Variants in JRKL observed in about 807,000 individuals in gnomAD.
The protein encoded by JRKL is jerky protein homolog-like.
JRKL carries 25 observed loss-of-function variants against 34.7 expected under a neutral mutation model. That is an observed-to-expected ratio of 0.72 (90% CI 0.53 to 1.01). JRKL has a LOEUF of 1.01. Ranked by LOEUF, JRKL falls within the 50% of genes least tolerant of loss-of-function variation. The probability of loss-of-function intolerance (pLI) is 0.00; values close to 1 mark genes in which losing one functional copy is unlikely to be tolerated. For missense variants in JRKL, 495 were observed against 615.7 expected, an observed-to-expected ratio of 0.80 and a Z score of 2.07; for synonymous variants, 204 against 212.8, an observed-to-expected ratio of 0.96 and a Z score of 0.36.
chr11:96,392,147 C>T lies in JRKL; in HGVS notation c.1498C>T (p.Leu500=). The T allele has an allele frequency of 6.2e-7, 1 of 1,613,520 alleles. No individual in the cohort carries two copies. Among genetic ancestry groups the T allele is most frequent in the African/African-American group, 1.3e-5 (1 of 75,032 alleles). Residue 500 remains leucine (L), a synonymous_variant, in exon 2 of 2, where the codon CTA becomes TTA. Transcript: ENST00000332349. ...TCTAGAACAACAAGGTGATATGATT[C>T]TACCTGATAGACTGGTAATACGTAA... The part of the protein sequence containing the change: ...DYLEQQGDMI[L]PDRLVIRKLR...
At position 96,392,611 on chromosome 11, in the gene JRKL, T is replaced by A. The variant is rs1179255557; in HGVS notation, c.*387T>A. ...GCTGCCATAGTTATCTTTTCTTGTG[T>A]TAACCATCTTAAATGATGTTTTGTA... is the stretch of plus-strand genomic sequence containing the variant. On this transcript the variant is annotated 3_prime_UTR_variant, in exon 2 of 2. Transcript: ENST00000332349. 2 of 172,788 alleles carry A rather than the reference T, an allele frequency of 1.2e-5. No homozygotes were observed. Among genetic ancestry groups the A allele is most frequent in the Non-Finnish European group, 1.4e-5 (1 of 71,892 alleles). 10.7% of individuals were successfully genotyped at this position (172,788 alleles called of 1,614,324 possible).
rs1432725731 is a variant in JRKL at position 96,393,005 on chromosome 11, T to C, written c.*781T>C. On this transcript the variant is annotated 3_prime_UTR_variant, in exon 2 of 2. Transcript: ENST00000332349. ...GATCTTTTTATTATGAATTTGGTAA[T>C]AGTATAGGTTTATTATTTATTCATC... The C allele has an allele frequency of 6.0e-6, 1 of 166,424 alleles. No individual in the cohort carries two copies. The highest frequency in any genetic ancestry group is 1.5e-5 in the Non-Finnish European group (1 of 68,042). The allele number at this position is 166,424 out of a possible 1,614,324, so 10.3% of individuals were successfully genotyped here. A position where few individuals can be genotyped will look rare whatever the true frequency, so the allele number is the denominator to read the frequency against.
In JRKL at chr11:96,390,043, G is replaced by A. The variant is rs1224965954; in HGVS notation, c.-198G>A. ...CGGAGCGACTGCCGCGCGATAGTCA[G>A]GGAGCTGTGCGGGTCCTGGTTGCAA... On this transcript the variant is annotated 5_prime_UTR_variant, in exon 1 of 2. Transcript: ENST00000332349. The A allele has an allele frequency of 1.3e-5, 2 of 152,594 alleles. No homozygotes were observed. Among genetic ancestry groups the A allele is most frequent in the Non-Finnish European group, 2.9e-5 (2 of 68,420 alleles). The allele number at this position is 152,594 out of a possible 1,614,324, so 9.5% of individuals were successfully genotyped here. A position where few individuals can be genotyped will look rare whatever the true frequency, so the allele number is the denominator to read the frequency against.
rs1866535466 is a variant in JRKL, at chr11:96,391,478, T to C, written c.829T>C (p.Tyr277His). The C allele has an allele frequency of 6.4e-7, 1 of 1,551,636 alleles. No individual in the cohort carries two copies. The change falls in exon 2 of 2, where the codon TAT becomes CAT. Residue 277 changes from tyrosine to histidine, a missense_variant. By Grantham distance (83) the Tyr-to-His change is moderately conservative. Coordinates refer to ENST00000332349, the MANE Select transcript of JRKL (RefSeq NM_001261833.2). ...AATTTTTGTGCCGCAAGTTCGAGAG[T>C]ATTTAAGATCTAAAGGCTTGCAGGA... is the stretch of plus-strand genomic sequence containing the variant. ...DKIFVPQVRE[Y>H]LRSKGLQEKA...
rs1565332189 is a variant in JRKL, at chr11:96,390,491, C to G, written c.-159C>G. The G allele has an allele frequency of 1.2e-6, 1 of 805,042 alleles. No individual in the cohort carries two copies. Among genetic ancestry groups the G allele is most frequent in the East Asian group, 2.8e-5 (1 of 35,214 alleles). 49.9% of individuals were successfully genotyped at this position (805,042 alleles called of 1,614,324 possible). On this transcript the variant is annotated 5_prime_UTR_variant, in exon 2 of 2. Coordinates refer to ENST00000332349, the MANE Select transcript of JRKL (RefSeq NM_001261833.2). ...TTCACCTTCTTCTGCAGTCTATTTGCCAGCCAACCCCAGCCCGGGAGGGGA... is the reference window on the plus strand; with the variant it reads ...TTCACCTTCTTCTGCAGTCTATTTGGCAGCCAACCCCAGCCCGGGAGGGGA...
At position 96,392,117 on chromosome 11, in the gene JRKL, G is replaced by T. The variant is rs370255954; in HGVS notation, c.1468G>T (p.Asp490Tyr). ...CCTCCAGTGGACTGAAAATTTATTG[G>T]ATTATCTAGAACAACAAGGTGATAT... ...AALQWTENLL[D>Y]YLEQQGDMIL... Residue 490 changes from aspartate (D) to tyrosine (Y), a missense_variant, in exon 2 of 2, where the codon GAT (aspartate) becomes TAT (tyrosine). Physicochemically the swap from Asp to Tyr is radical, Grantham distance 160. Coordinates refer to ENST00000332349, the MANE Select transcript of JRKL (RefSeq NM_001261833.2). 5 of 1,613,968 alleles carry T rather than the reference G, an allele frequency of 3.1e-6. No individual in the cohort carries two copies. The African/African-American group carries it at 6.7e-5, about 22-fold the overall frequency.
chr11:96,391,116 G>A lies in JRKL; in HGVS notation c.467G>A (p.Cys156Tyr), dbSNP rs780451616. ...GATGAGACTGCGGTGGAAGATTTTTGTAATAACTTTCGAGATTTTATTGAA... is the reference window on the plus strand; with the variant it reads ...GATGAGACTGCGGTGGAAGATTTTTATAATAACTTTCGAGATTTTATTGAA... ...NGDETAVEDF[C>Y]NNFRDFIERE... Residue 156 changes from cysteine (C) to tyrosine (Y), a missense_variant, in exon 2 of 2, where the codon TGT becomes TAT. By Grantham distance (194) the Cys-to-Tyr change is radical (BLOSUM62 -2). Coordinates refer to ENST00000332349, the MANE Select transcript of JRKL (RefSeq NM_001261833.2). 1.9e-6 allele frequency: 3 copies of A among 1,613,468 alleles called. No individual in the cohort carries two copies. Among genetic ancestry groups the A allele is most frequent in the African/African-American group, 1.3e-5 (1 of 74,906 alleles).
intron 1 of JRKL, 146 bp downstream of exon 1, chr11:96,390,219 G>C (rs949299419): frequency 6.2e-6 from 1 of 160,414 alleles, no homozygotes; most frequent in Non-Finnish European, 1.4e-5. Context: ...AAGGGTGCCA[G>C]TCCTTGACTC....
rs1156894236 is a variant in JRKL at position 96,392,885 on chromosome 11, C to T, written c.*661C>T. On this transcript the variant is annotated 3_prime_UTR_variant, in exon 2 of 2. Transcript: ENST00000332349. ...CTGATCTATAAAGAGGCATTCTGATCAATTCATTTGTAGGAAACTGGGAAA... is the reference window on the plus strand; with the variant it reads ...CTGATCTATAAAGAGGCATTCTGATTAATTCATTTGTAGGAAACTGGGAAA... 1 of 166,810 alleles carries T rather than the reference C, an allele frequency of 6.0e-6. No homozygotes were observed. Among genetic ancestry groups the T allele is most frequent in the Admixed American group, 6.5e-5 (1 of 15,276 alleles). 10.3% of individuals were successfully genotyped at this position (166,810 alleles called of 1,614,324 possible).
chr11:96,392,329 A>G lies in JRKL; in HGVS notation c.*105A>G, dbSNP rs991544219. Reference sequence around the variant, plus strand: ...GAATTCTCAGACTTGGTCCTGTGAAATACAGGCACAAAATGTATCTGAAGT... The same window carrying G: ...GAATTCTCAGACTTGGTCCTGTGAAGTACAGGCACAAAATGTATCTGAAGT... On this transcript the variant is annotated 3_prime_UTR_variant, in exon 2 of 2. Transcript: ENST00000332349. The G allele has an allele frequency of 3.8e-5, 55 of 1,430,354 alleles. No individual in the cohort carries two copies. The highest frequency in any genetic ancestry group is 4.7e-5 in the South Asian group (3 of 64,352). The allele number at this position is 1,430,354 out of a possible 1,614,324, so 88.6% of individuals were successfully genotyped here. A position where few individuals can be genotyped will look rare whatever the true frequency, so the allele number is the denominator to read the frequency against.
Position 96,393,509 on chromosome 11 carries a change from T to G in JRKL, c.*1285T>G, listed in dbSNP as rs1866575430. Reference sequence around the variant, plus strand: ...TAAAAGTAAAGTGTTTCCATGCTATTTCATGTTTTGGCCAAAAATTTTTAA... The same window carrying G: ...TAAAAGTAAAGTGTTTCCATGCTATGTCATGTTTTGGCCAAAAATTTTTAA... On this transcript the variant is annotated 3_prime_UTR_variant, in exon 2 of 2. Transcript: ENST00000332349. 6.6e-6 allele frequency among the ~76,000 whole-genome samples: 1 copy of G among 152,144 alleles called. No homozygotes were observed. The highest frequency in any genetic ancestry group is 1.5e-5 in the Non-Finnish European group (1 of 67,990).
In JRKL at chr11:96,390,530, G is replaced by A; in HGVS notation, c.-120G>A. On this transcript the variant is annotated 5_prime_UTR_variant, in exon 2 of 2. Transcript: ENST00000332349. Reference sequence around the variant, plus strand: ...CCCGGGAGGGGATCAGGGCCACCAGGTTGCTGGTAAGGATGAAAGACTGAG... The same window carrying A: ...CCCGGGAGGGGATCAGGGCCACCAGATTGCTGGTAAGGATGAAAGACTGAG... 1 of 1,313,508 alleles carries A rather than the reference G, an allele frequency of 7.6e-7. No individual in the cohort carries two copies. The allele number at this position is 1,313,508 out of a possible 1,614,324, so 81.4% of individuals were successfully genotyped here.
intron 1 of JRKL, 87 bp from the exon 2 acceptor site, chr11:96,390,396 G>A (rs1406079629): frequency 5.3e-6 from 2 of 379,950 alleles, no homozygotes; most frequent in African/African-American, 4.1e-5. Flanking sequence ...GATTATCCGC[G>A]GTGACATGGG....
Position 96,392,012 on chromosome 11 carries a change from G to A in JRKL, c.1363G>A (p.Gly455Ser). ...TDSEIIRRAQGQADESSENEE... is the reference protein window; with the variant it reads ...TDSEIIRRAQSQADESSENEE... ...TAGCGAAATCATCAGAAGAGCACAA[G>A]GCCAGGCAGATGAATCCAGTGAAAA... The change falls in exon 2 of 2, where the codon GGC (glycine) becomes AGC (serine). Residue 455 changes from glycine (G) to serine (S), a missense_variant. Coordinates refer to ENST00000332349, the MANE Select transcript of JRKL (RefSeq NM_001261833.2). 1 of 1,614,028 alleles carries A rather than the reference G, an allele frequency of 6.2e-7. No individual in the cohort carries two copies. Among genetic ancestry groups the A allele is most frequent in the Non-Finnish European group, 8.5e-7 (1 of 1,180,004 alleles).
intron 1 of JRKL, among the ~76,000 whole-genome samples, 190 bp downstream of exon 1, chr11:96,390,263 G>A (rs1452347962): frequency 6.6e-6 from 1 of 152,184 alleles, no homozygotes; most frequent in African/African-American, 2.4e-5. Context: ...TAACTTTGGG[G>A]TGTGGCAGGG....
Position 96,391,585 on chromosome 11 carries a change from T to C in JRKL, c.936T>C (p.Ala312=). ...GGTCAGATGATGGCCAAATATTTGC[T>C]AAATATTTACCACCTAATGTGGCCT... The part of the protein sequence containing the change: ...VLRSDDGQIF[A]KYLPPNVASL... The change falls in exon 2 of 2, where the codon GCT becomes GCC. Residue 312 remains alanine, a synonymous_variant. Coordinates refer to ENST00000332349, the MANE Select transcript of JRKL (RefSeq NM_001261833.2). 1.9e-6 allele frequency: 3 copies of C among 1,598,662 alleles called. No individual in the cohort carries two copies. Among genetic ancestry groups the C allele is most frequent in the Non-Finnish European group, 2.6e-6 (3 of 1,171,984 alleles).
At position 96,392,051 on chromosome 11, in the gene JRKL, A is replaced by G; in HGVS notation, c.1402A>G (p.Ile468Val). The G allele has an allele frequency of 6.2e-7, 1 of 1,614,016 alleles. No homozygotes were observed. The highest frequency in any genetic ancestry group is 8.5e-7 in the Non-Finnish European group (1 of 1,179,984). Residue 468 changes from isoleucine (I) to valine (V), a missense_variant, in exon 2 of 2, where the codon ATA becomes GTA. Transcript: ENST00000332349. ...ATCCAGTGAAAATGAGGAGGAGGAA[A>G]TAGAACTAATTCCAGAGAAACATAT... ...DESSENEEEE[I>V]ELIPEKHINH... is the part of the protein sequence containing the mutation.
rs1245180836 is a variant in JRKL, at chr11:96,391,530, C to T, written c.881C>T (p.Ser294Leu). 1 of 1,555,524 alleles carries T rather than the reference C, an allele frequency of 6.4e-7. No homozygotes were observed. The highest frequency in any genetic ancestry group is 8.7e-7 in the Non-Finnish European group (1 of 1,148,814). ...QEKAVLLLDN[S>L]PTHPNENVLR... ...AAGGCTGTGCTCTTGTTGGATAATT[C>T]ACCAACACATCCAAATGAAAATGTC... Residue 294 changes from serine (S) to leucine (L), a missense_variant, in exon 2 of 2, where the codon TCA becomes TTA. Physicochemically the swap from Ser to Leu is moderately radical, Grantham distance 145 (BLOSUM62 -2). Transcript: ENST00000332349.
Position 96,391,242 on chromosome 11 carries a change from C to T in JRKL, c.593C>T (p.Thr198Ile), listed in dbSNP as rs1390920040. 3 of 1,551,978 alleles carry T rather than the reference C, an allele frequency of 1.9e-6. No individual in the cohort carries two copies. Among genetic ancestry groups the T allele is most frequent in the East Asian group, 2.4e-5 (1 of 40,924 alleles). The change falls in exon 2 of 2, where the codon ACT (threonine) becomes ATT (isoleucine). Residue 198 changes from threonine (T) to isoleucine (I), a missense_variant. Thr to Ile is a moderately conservative substitution (Grantham distance 89). Transcript: ENST00000332349. ...SRISVIKGKC[T>I]VPGHKSIEER... is the part of the protein sequence containing the mutation. ...ATTTCAGTAATCAAAGGTAAATGCA[C>T]TGTCCCTGGGCACAAATCAATTGAA...
Sources: allele counts gnomAD v4.1 joint callset (sites outside exome capture counted in the v4.1 genomes callset), GRCh38; gene constraint gnomAD v4.1.1; transcripts MANE v1.5; gene names NCBI Gene and HGNC (gene_info 2026-07-23, HGNC 2026-07-21).